EXT1: variants seen among roughly 807,000 people sequenced by gnomAD.
The protein encoded by EXT1 is exostosin-1.
EXT1 carries 20 observed loss-of-function variants against 82.5 expected under a neutral mutation model. The observed-to-expected ratio is 0.24, with a 90% CI of 0.17 to 0.35. The LOEUF (loss-of-function observed/expected upper bound fraction) is 0.35, where lower values mean the gene tolerates loss of function less well. EXT1 is among the 10% of genes least tolerant of loss of function. EXT1 has a pLI of 1.00. For missense variants in EXT1, 757 were observed against 936.5 expected, an observed-to-expected ratio of 0.81 and a Z score of 2.50; for synonymous variants, 348 against 350.8, an observed-to-expected ratio of 0.99 and a Z score of 0.09.
At position 118,111,718 on chromosome 8, in the gene EXT1, T is replaced by G. The variant is rs1483713479; in HGVS notation, c.-672A>C. 6.7e-6 allele frequency: 1 copy of G among 148,326 alleles called. No individual in the cohort carries two copies. The highest frequency in any genetic ancestry group is 2.5e-5 in the African/African-American group (1 of 40,788). The allele number at this position is 148,326 out of a possible 1,614,324, so 9.2% of individuals were successfully genotyped here. A position where few individuals can be genotyped will look rare whatever the true frequency, so the allele number is the denominator to read the frequency against. ...CTGGAGGCGGCGGCGGCGGCGGCGC[T>G]GGGTGGCGGCGGCGGCGCGTCCTCC... is the stretch of plus-strand genomic sequence containing the variant. On this transcript the variant is annotated 5_prime_UTR_variant, in exon 1 of 11. Transcript: ENST00000378204.
At chr8:118,000,672 C>G (rs1815643459) in intron 1 of EXT1, among the ~76,000 whole-genome samples, 1 of 152,190 alleles carries the variant, frequency 6.6e-6, no homozygotes, top group Admixed American at 6.5e-5. Context: ...GGGAAACAAG[C>G]CAATCTGAAT....
chr8:118,107,393 C>A (rs1346517648), intron 1 of EXT1, among the ~76,000 whole-genome samples: 1 of 152,070 alleles, frequency 6.6e-6, no homozygotes, highest in Non-Finnish European at 1.5e-5. Flanking sequence ...AGTCTGAAAC[C>A]CACTCTGCAA....
chr8:117,830,947 T>C (rs1812089822), intron 3 of EXT1, among the ~76,000 whole-genome samples: 1 of 152,212 alleles, frequency 6.6e-6, no homozygotes. Flanking sequence ...ATCTCTCAAT[T>C]GTTCATATAT....
chr8:118,045,626 G>T (rs1563639149), intron 1 of EXT1, among the ~76,000 whole-genome samples: 1 of 151,756 alleles, frequency 6.6e-6, no homozygotes, highest in Admixed American at 6.6e-5. Context: ...CATCCATCGT[G>T]AATGTTACCA....
intron 1 of EXT1, among the ~76,000 whole-genome samples, chr8:117,883,376 G>A (rs1813094693): frequency 6.6e-6 from 1 of 152,196 alleles, no homozygotes; most frequent in African/African-American, 2.4e-5. Context: ...CCGCTACACT[G>A]CAATTCTTGA....
chr8:118,047,457 A>G (rs1816640488), intron 1 of EXT1, among the ~76,000 whole-genome samples: 1 of 152,202 alleles, frequency 6.6e-6, no homozygotes, highest in African/African-American at 2.4e-5. Context: ...GGACATAGAG[A>G]GCACTCAATC....
intron 1 of EXT1, among the ~76,000 whole-genome samples, chr8:117,946,655 G>A (rs1462324145): frequency 6.6e-6 from 1 of 152,126 alleles, no homozygotes. Context: ...AGGACCAGTC[G>A]TGGGCTCCTA....
At chr8:118,027,683 C>T (rs1355583507) in intron 1 of EXT1, among the ~76,000 whole-genome samples, 1 of 152,222 alleles carries the variant, frequency 6.6e-6, no homozygotes, top group Non-Finnish European at 1.5e-5. Context: ...AGTCACTTCC[C>T]ATGCCCCCAT....
chr8:117,927,285 A>G (rs1051841376), intron 1 of EXT1, among the ~76,000 whole-genome samples: 3 of 152,202 alleles, frequency 2.0e-5, no homozygotes, highest in Non-Finnish European at 2.9e-5. Flanking sequence ...GCAGAAACTC[A>G]CTGTCTTAGT....
chr8:117,820,292 T>TA (rs1811901218), intron 5 of EXT1, among the ~76,000 whole-genome samples: 1 of 152,232 alleles, frequency 6.6e-6, no homozygotes, highest in Admixed American at 6.5e-5. Context: ...ATCTACCACT[T>TA]ACTGGTCGGG....
intron 1 of EXT1, among the ~76,000 whole-genome samples, chr8:117,937,139 T>C (rs1456611087): frequency 6.6e-6 from 1 of 152,224 alleles, no homozygotes; most frequent in Non-Finnish European, 1.5e-5. Context: ...TTTAGATTTA[T>C]GCTTGTTTGG....
intron 4 of EXT1, among the ~76,000 whole-genome samples, chr8:117,826,664 TA>T (rs1320696165): frequency 6.6e-6 from 1 of 152,190 alleles, no homozygotes; most frequent in Non-Finnish European, 1.5e-5. Flanking sequence ...GGAAACTGGG[TA>T]GTACCTGTCA....
intron 1 of EXT1, among the ~76,000 whole-genome samples, chr8:117,886,793 A>T (rs1332243499): frequency 6.6e-6 from 1 of 152,206 alleles, no homozygotes; most frequent in East Asian, 1.9e-4. Flanking sequence ...TCTACCTGCT[A>T]TGAAGTGGTG....
At chr8:118,010,402 A>T (rs1422663320) in intron 1 of EXT1, among the ~76,000 whole-genome samples, 1 of 151,106 alleles carries the variant, frequency 6.6e-6, no homozygotes, top group Non-Finnish European at 1.5e-5. Context: ...GTATATTTTC[A>T]AATTTTTTGG....
chr8:117,999,066 T>C (rs1054832107), intron 1 of EXT1, among the ~76,000 whole-genome samples: 4 of 152,212 alleles, frequency 2.6e-5, no homozygotes, highest in Admixed American at 1.3e-4. Context: ...GGCTGGCACA[T>C]AGAAAACTAG....
intron 1 of EXT1, among the ~76,000 whole-genome samples, chr8:117,946,089 G>A (rs1814381529): frequency 6.6e-6 from 1 of 152,096 alleles, no homozygotes; most frequent in Non-Finnish European, 1.5e-5. Context: ...AGTAGAGACG[G>A]GATTTTGCCA....
At chr8:118,014,925 C>T (rs1586344105) in intron 1 of EXT1, among the ~76,000 whole-genome samples, 3 of 152,128 alleles carry the variant, frequency 2.0e-5, no homozygotes, top group African/African-American at 7.2e-5. Context: ...ATGGAATTTT[C>T]AAAGCTTTTA....
intron 1 of EXT1, among the ~76,000 whole-genome samples, chr8:117,884,071 T>C (rs939187847): frequency 6.6e-6 from 1 of 152,226 alleles, no homozygotes; most frequent in Non-Finnish European, 1.5e-5. Flanking sequence ...ATTCTGCTTA[T>C]GTACATAGAG....
At chr8:117,914,811 G>C (rs978010053) in intron 1 of EXT1, among the ~76,000 whole-genome samples, 1 of 152,142 alleles carries the variant, frequency 6.6e-6, no homozygotes, top group Non-Finnish European at 1.5e-5. Context: ...AAGACAATAC[G>C]TGCACCGCTG....
Sources: gnomAD v4.1 joint callset for allele counts (sites outside exome capture counted in the v4.1 genomes callset) on GRCh38, gnomAD v4.1.1 for gene constraint, MANE v1.5 for transcripts, NCBI Gene and HGNC (gene_info 2026-07-23, HGNC 2026-07-21) for gene names.